ANKAR: variants seen among roughly 807,000 people sequenced by gnomAD.
The protein encoded by ANKAR is ankyrin and armadillo repeat-containing protein.
Under a neutral mutation model 146.2 loss-of-function variants are expected in ANKAR, and 136 were observed. The ratio of observed to expected loss-of-function variants is 0.93; its 90% CI spans 0.81 to 1.07. ANKAR has a LOEUF of 1.07. Among genes scored for constraint, ANKAR ranks in the 50% least tolerant of loss-of-function variants. ANKAR has a pLI of 0.00. For synonymous variants in ANKAR, 500 were observed against 575.8 expected (o/e 0.87, Z 1.88); for missense variants, 1,567 against 1,679.9 (o/e 0.93, Z 1.18).
intron 1 of ANKAR, 77 bp from the exon 2 acceptor site, chr2:189,676,379 G>T: frequency 2.3e-6 from 3 of 1,286,004 alleles, no homozygotes; most frequent in Non-Finnish European, 2.1e-6. Flanking sequence ...GAAAGGTACA[G>T]ATTTATTTCT....
Position 189,689,609 on chromosome 2 carries a change from C to T in ANKAR, c.684C>T (p.Asn228=), listed in dbSNP as rs780538808. 7 of 1,613,484 alleles carry T rather than the reference C, an allele frequency of 4.3e-6. No individual in the cohort carries two copies. In the Admixed American group the frequency reaches 5.0e-5, roughly 12 times the overall value. ...DVNEDPTYDP[N]SPEETAVFMK... ...ATGAAGATCCAACATATGATCCCAA[C>T]AGCCCTGAAGAAACAGCTGTATTTA... The change falls in exon 3 of 23, where the codon AAC becomes AAT. Residue 228 remains asparagine, a synonymous_variant. Transcript: ENST00000684021.
intron 18 of ANKAR, among the ~76,000 whole-genome samples, chr2:189,753,406 T>G (rs1040539060): frequency 6.6e-6 from 1 of 152,188 alleles, no homozygotes; most frequent in African/African-American, 2.4e-5. Flanking sequence ...GAATAAAGTT[T>G]AAGATACAGT....
intron 10 of ANKAR, among the ~76,000 whole-genome samples, chr2:189,718,374 A>ATG (rs2040812007): frequency 2.7e-5 from 4 of 150,612 alleles, no homozygotes; most frequent in Admixed American, 6.6e-5. Context: ...ACACACACAC[A>ATG]CACACACACA....
At position 189,720,339 on chromosome 2, in the gene ANKAR, G is replaced by A. The variant is rs183016019; in HGVS notation, c.2467-280G>A. Among the ~76,000 whole-genome samples, 10 of 151,626 alleles carry A rather than the reference G, an allele frequency of 6.6e-5. No individual in the cohort carries two copies. The East Asian group carries it at 1.4e-3, about 21-fold the overall frequency. On this transcript the variant is annotated intron_variant, in intron 11 of 22. Coordinates refer to ENST00000684021, the MANE Select transcript of ANKAR (RefSeq NM_001378068.1). Reference sequence around the variant, plus strand: ...CTTGGCTCACTGCAACCTCTGCCTCGTGGGTTCAAGTGATTCTCCTGCCTC... The same window carrying A: ...CTTGGCTCACTGCAACCTCTGCCTCATGGGTTCAAGTGATTCTCCTGCCTC...
intron 19 of ANKAR, among the ~76,000 whole-genome samples, chr2:189,740,054 C>T (rs561042267): frequency 1.3e-5 from 2 of 152,278 alleles, no homozygotes; most frequent in Admixed American, 6.5e-5. Context: ...TGTAAAATAA[C>T]TGATGTGCTT....
Position 189,690,114 on chromosome 2 carries a change from T to A in ANKAR, c.1039+150T>A, listed in dbSNP as rs186830527. On this transcript the variant is annotated intron_variant, in intron 3 of 22. Transcript: ENST00000684021. ...AACAATTTAATGTCTCTAATGTAATTAAAAAGACTCAGTGTATGTATATAG... is the reference window on the plus strand; with the variant it reads ...AACAATTTAATGTCTCTAATGTAATAAAAAAGACTCAGTGTATGTATATAG... The A allele has an allele frequency of 7.4e-3, 3,368 of 457,666 alleles. 96 individuals are homozygous for A. Among genetic ancestry groups the A allele is most frequent in the African/African-American group, 0.06 (2,940 of 49,308 alleles). 28.4% of individuals were successfully genotyped at this position (457,666 alleles called of 1,614,324 possible).
chr2:189,725,503 A>G (rs2041782138), intron 12 of ANKAR, among the ~76,000 whole-genome samples: 1 of 152,180 alleles, frequency 6.6e-6, no homozygotes. Flanking sequence ...ACAGAAAGTA[A>G]TAAAATCCTT....
At chr2:189,722,338 C>A (rs368705072) in intron 12 of ANKAR, among the ~76,000 whole-genome samples, 481 of 128,210 alleles carry the variant, frequency 3.8e-3, no homozygotes, top group South Asian at 4.6e-3. Context: ...GACTCCATCT[C>A]AAAAAAAAAA....
At chr2:189,678,968 A>G (rs1037435816) in intron 2 of ANKAR, among the ~76,000 whole-genome samples, 5 of 152,114 alleles carry the variant, frequency 3.3e-5, no homozygotes, top group South Asian at 4.1e-4. Flanking sequence ...AGGAATGATG[A>G]TAGTATTTCT....
In ANKAR at chr2:189,693,158, A is replaced by T. The variant is rs754549372; in HGVS notation, c.1288A>T (p.Met430Leu). 39 of 1,553,458 alleles carry T rather than the reference A, an allele frequency of 2.5e-5. No homozygotes were observed. In the South Asian group the frequency reaches 4.2e-4, roughly 17 times the overall value. ...TAAAGAATATTACTCAATACCAGTC[A>T]TGGAATTTCATGGAAAAAGGTACGG... is the stretch of plus-strand genomic sequence containing the variant. ...GYKEYYSIPV[M>L]EFHGKSYYVI... The change falls in exon 5 of 23, where the codon ATG becomes TTG. Residue 430 changes from methionine (M) to leucine (L), a missense_variant. By Grantham distance (15) the Met-to-Leu change is conservative. Transcript: ENST00000684021.
At chr2:189,726,503 C>A (rs1225084) in intron 12 of ANKAR, among the ~76,000 whole-genome samples, 149,389 of 152,218 alleles carry the variant, frequency 0.98, 73,366 homozygotes, top group East Asian at 1. Flanking sequence ...GTCATGAGGA[C>A]ACATCAAACA....
At chr2:189,747,498 G>T (rs774639119), downstream of ANKAR, among the ~76,000 whole-genome samples, 3 of 152,124 alleles carry the variant, frequency 2.0e-5, no homozygotes, top group African/African-American at 7.2e-5. Flanking sequence ...TATGGCTTTT[G>T]TGGCTAACAG....
chr2:189,691,355 A>G (rs755643039), intron 3 of ANKAR, among the ~76,000 whole-genome samples: 4 of 152,110 alleles, frequency 2.6e-5, no homozygotes, highest in Non-Finnish European at 5.9e-5. Flanking sequence ...CGCGCCCGGG[A>G]GAGAAAATTA....
rs760147059 is a variant in ANKAR, at chr2:189,676,815, A to G, written c.325A>G (p.Ile109Val). Residue 109 changes from isoleucine (I) to valine (V), a missense_variant, in exon 2 of 23, where the codon ATT becomes GTT. Transcript: ENST00000684021. ...CCATCAAATGATAAGAGAGTTGGCTATTGGAATTTATTGCCTAAATCAAAT... is the reference window on the plus strand; with the variant it reads ...CCATCAAATGATAAGAGAGTTGGCTGTTGGAATTTATTGCCTAAATCAAAT... The part of the protein sequence containing the change: ...EVHQMIRELA[I>V]GIYCLNQIPS... The G allele has an allele frequency of 1.4e-5, 22 of 1,614,102 alleles. No homozygotes were observed. Among genetic ancestry groups the G allele is most frequent in the East Asian group, 8.9e-5 (4 of 44,900 alleles).
At position 189,755,385 on chromosome 2, in the gene ANKAR, G is replaced by A. The variant is rs1006444007; in HGVS notation, c.*585-5713G>A. ...GGCTTTTTTAACTGTCCTACCAGCT[G>A]TAAGCTAAATGATAAGCCCACTCCC... On this transcript the variant is annotated intron_variant and NMD_transcript_variant, in intron 18 of 18. Coordinates refer to the ANKAR transcript ENST00000441800. 3.7e-6 allele frequency: 6 copies of A among 1,613,168 alleles called. No individual in the cohort carries two copies. The Admixed American group carries it at 8.4e-5, about 22-fold the overall frequency.
intron 12 of ANKAR, among the ~76,000 whole-genome samples, chr2:189,725,710 C>T (rs2041810978): frequency 6.6e-6 from 1 of 152,114 alleles, no homozygotes; most frequent in Non-Finnish European, 1.5e-5. Flanking sequence ...GAGTTCAACA[C>T]CAGCCTGGGC....
At chr2:189,760,802 GAAA>G (rs376762507) in intron 18 of ANKAR, among the ~76,000 whole-genome samples, 2 of 147,716 alleles carry the variant, frequency 1.4e-5, no homozygotes, top group Non-Finnish European at 3.0e-5. Flanking sequence ...CAAAAAAAAA[GAAA>G]AAAAAAATCT....
intron 19 of ANKAR, among the ~76,000 whole-genome samples, chr2:189,739,752 T>C (rs1295659309): frequency 6.6e-6 from 1 of 151,984 alleles, no homozygotes; most frequent in African/African-American, 2.4e-5. Context: ...TTAGTAGAGA[T>C]GGGGTTTCAC....
chr2:189,752,685 T>G (rs1559163670), intron 18 of ANKAR: 1 of 1,613,928 alleles, frequency 6.2e-7, no homozygotes, highest in Non-Finnish European at 8.5e-7. Flanking sequence ...CTATGTCATG[T>G]AAAATGCCCA....
Sources: allele counts gnomAD v4.1 joint callset (sites outside exome capture counted in the v4.1 genomes callset), GRCh38; gene constraint gnomAD v4.1.1; transcripts MANE v1.5; gene names NCBI Gene and HGNC (gene_info 2026-07-23, HGNC 2026-07-21).